The following KCNB2 variants were observed in gnomAD, a reference collection of about 807,000 sequenced individuals.
KCNB2 encodes delayed rectifier potassium channel protein.
A neutral mutation model predicts 61.5 loss-of-function variants in KCNB2; 15 were observed. That is an observed-to-expected ratio of 0.24 (90% CI 0.16 to 0.38). KCNB2 has a LOEUF of 0.38. KCNB2 is among the 10% of genes least tolerant of loss of function. The pLI is 1.00. For synonymous variants in KCNB2, 457 were observed against 446.0 expected (o/e 1.02, Z -0.31); for missense variants, 828 against 1,125.2 (o/e 0.74, Z 3.78).
At chr8:72,673,257 A>C (rs1446565611) in intron 2 of KCNB2, among the ~76,000 whole-genome samples, 1 of 152,156 alleles carries the variant, frequency 6.6e-6, no homozygotes, top group Non-Finnish European at 1.5e-5. Context: ...AGTTCCTATA[A>C]TCCCCGCATG....
At chr8:72,561,909 G>T (rs1806543378) in intron 1 of KCNB2, among the ~76,000 whole-genome samples, 1 of 149,926 alleles carries the variant, frequency 6.7e-6, no homozygotes, top group South Asian at 2.1e-4. Flanking sequence ...AATATACATT[G>T]ATTTAATCTT....
intron 2 of KCNB2, among the ~76,000 whole-genome samples, chr8:72,583,120 C>T (rs546204321): frequency 6.6e-6 from 1 of 152,110 alleles, no homozygotes; most frequent in South Asian, 2.1e-4. Context: ...TTCAAAAATG[C>T]TTTTTATCAG....
chr8:72,757,614 G>T (rs1038121924), intron 2 of KCNB2, among the ~76,000 whole-genome samples: 2 of 152,112 alleles, frequency 1.3e-5, no homozygotes, highest in African/African-American at 4.8e-5. Context: ...TTGAGCACAA[G>T]GGACCCCTTT....
intron 1 of KCNB2, among the ~76,000 whole-genome samples, chr8:72,565,664 C>A (rs13274357): frequency 1.1e-3 from 114 of 103,640 alleles, no homozygotes; most frequent in African/African-American, 3.3e-3. Context: ...ACACACACAA[C>A]ACACACACAC....
chr8:72,662,966 A>T lies in KCNB2; in HGVS notation c.579+94653A>T, dbSNP rs767957933. Among the ~76,000 whole-genome samples, 100 of 152,122 alleles carry T rather than the reference A, an allele frequency of 6.6e-4. 2 individuals are homozygous for T. The highest frequency in any genetic ancestry group is 7.6e-4 in the Non-Finnish European group (52 of 68,016). ...CTTCAGAAAACTGATGATCAGAATG[A>T]TCATCTTTGATGCAGTGGCAGGAGT... On this transcript the variant is annotated intron_variant, in intron 2 of 2. Coordinates refer to ENST00000523207, the MANE Select transcript of KCNB2 (RefSeq NM_004770.3).
intron 2 of KCNB2, among the ~76,000 whole-genome samples, chr8:72,696,801 TCATC>T (rs957458136): frequency 1.2e-4 from 19 of 152,226 alleles, no homozygotes; most frequent in African/African-American, 4.6e-4. Flanking sequence ...AAATTCATTT[TCATC>T]CATTATTGTT....
intron 2 of KCNB2, among the ~76,000 whole-genome samples, chr8:72,813,965 T>C (rs1018716351): frequency 6.6e-6 from 1 of 152,210 alleles, no homozygotes; most frequent in Non-Finnish European, 1.5e-5. Context: ...CATTAACTCA[T>C]CATTTACATT....
intron 2 of KCNB2, among the ~76,000 whole-genome samples, chr8:72,883,079 C>A (rs1459730732): frequency 6.6e-6 from 1 of 152,186 alleles, no homozygotes; most frequent in Non-Finnish European, 1.5e-5. Context: ...GTTCTCAACG[C>A]TTTTACAATA....
chr8:72,659,071 A>G (rs769805555), intron 2 of KCNB2, among the ~76,000 whole-genome samples: 2 of 152,208 alleles, frequency 1.3e-5, no homozygotes, highest in Admixed American at 6.5e-5. Flanking sequence ...TACATTTTAT[A>G]TGGCTACAGC....
intron 2 of KCNB2, among the ~76,000 whole-genome samples, chr8:72,924,598 A>G (rs1370507235): frequency 1.3e-5 from 2 of 152,186 alleles, no homozygotes; most frequent in African/African-American, 4.8e-5. Flanking sequence ...AGCAGATAAT[A>G]GAATGTGTCT....
chr8:72,917,541 T>C (rs1277892182), intron 2 of KCNB2, among the ~76,000 whole-genome samples: 1 of 152,218 alleles, frequency 6.6e-6, no homozygotes, highest in African/African-American at 2.4e-5. Context: ...ATACTCTTAA[T>C]TGGCAATTGT....
chr8:72,923,957 C>A (rs111904763), intron 2 of KCNB2, among the ~76,000 whole-genome samples: 1,698 of 152,270 alleles, frequency 0.011, 23 homozygotes, highest in African/African-American at 0.038. Context: ...CAGCACTACA[C>A]CCTACTTCTG....
intron 2 of KCNB2, among the ~76,000 whole-genome samples, chr8:72,690,705 A>G (rs992391018): frequency 1.3e-5 from 2 of 152,240 alleles, no homozygotes; most frequent in African/African-American, 4.8e-5. Context: ...TATTAAATAC[A>G]TAGCTATACT....
At chr8:72,688,224 T>G (rs908852258) in intron 2 of KCNB2, among the ~76,000 whole-genome samples, 2 of 152,230 alleles carry the variant, frequency 1.3e-5, no homozygotes, top group African/African-American at 2.4e-5. Context: ...TTCATGGTCC[T>G]GTAACTTTCA....
At chr8:72,686,554 G>A (rs1806856804) in intron 2 of KCNB2, among the ~76,000 whole-genome samples, 1 of 152,060 alleles carries the variant, frequency 6.6e-6, no homozygotes, top group Non-Finnish European at 1.5e-5. Context: ...GGAAAGAGAA[G>A]CAAAGCTACA....
At chr8:72,686,309 A>G (rs1413639873) in intron 2 of KCNB2, among the ~76,000 whole-genome samples, 1 of 152,082 alleles carries the variant, frequency 6.6e-6, no homozygotes. Flanking sequence ...TTATAGGCCT[A>G]TTTGGGCTTC....
intron 2 of KCNB2, among the ~76,000 whole-genome samples, chr8:72,665,006 G>C (rs1837547): frequency 0.12 from 17,731 of 152,098 alleles, 1,531 homozygotes; most frequent in East Asian, 0.51. Flanking sequence ...AAGGAAAAGG[G>C]CAAAAAAGGC....
chr8:72,899,486 A>G (rs1331445280), intron 2 of KCNB2, among the ~76,000 whole-genome samples: 1 of 152,184 alleles, frequency 6.6e-6, no homozygotes, highest in Non-Finnish European at 1.5e-5. Flanking sequence ...AACCCTAAAG[A>G]CTAACCAAAA....
At position 72,910,550 on chromosome 8, in the gene KCNB2, A is replaced by G. The variant is rs1289090072; in HGVS notation, c.580-25385A>G. 2.6e-5 allele frequency among the ~76,000 whole-genome samples: 4 copies of G among 152,300 alleles called. No homozygotes were observed. In the South Asian group the frequency reaches 8.3e-4, roughly 32 times the overall value. ...GAAGAGAGTGCCATAGCATTATGGA[A>G]TTCAAGGGAAGAGAGGCTTGAAGAA... On this transcript the variant is annotated intron_variant, in intron 2 of 2. Transcript: ENST00000523207.
Sources: gnomAD v4.1 joint callset for allele counts (sites outside exome capture counted in the v4.1 genomes callset) on GRCh38, gnomAD v4.1.1 for gene constraint, MANE v1.5 for transcripts, NCBI Gene and HGNC (gene_info 2026-07-23, HGNC 2026-07-21) for gene names.